TENM4: variants seen among roughly 807,000 people sequenced by gnomAD.
The protein encoded by TENM4 is teneurin-4.
A neutral mutation model predicts 243.3 loss-of-function variants in TENM4; 82 were observed. The ratio of observed to expected loss-of-function variants is 0.34; its 90% CI spans 0.28 to 0.40. The LOEUF (loss-of-function observed/expected upper bound fraction) is 0.40. TENM4 is among the 10% of genes least tolerant of loss of function. The pLI, the probability that TENM4 is intolerant of heterozygous loss-of-function variation, is 1.00. For synonymous variants in TENM4, 1,412 were observed against 1,456.3 expected (o/e 0.97, Z 0.69); for missense variants, 3,138 against 3,673.3 (o/e 0.85, Z 3.77).
rs1385664310 is a variant in TENM4, at chr11:79,200,824, T to C, written c.-163+14984A>G. Among the ~76,000 whole-genome samples, 6 of 152,202 alleles carry C rather than the reference T, an allele frequency of 3.9e-5. No individual in the cohort carries two copies. The South Asian group carries it at 6.2e-4, about 16-fold the overall frequency. ...AGTTTCTGTCCATACTAGGGGATTA[T>C]TATGCCCTGGAAAAACTTCTAGCTG... On this transcript the variant is annotated intron_variant, in intron 3 of 33. Coordinates refer to ENST00000278550, the MANE Select transcript of TENM4 (RefSeq NM_001098816.3).
rs757018454 is a variant in TENM4 at position 78,670,179 on chromosome 11, G to A, written c.6166C>T (p.Arg2056Cys). ...ATCAGGGGCCCAATCTGACGGTAGCGGATGGTGCAGGTGAAGCCCTCATTC... is the reference window on the plus strand; with the variant it reads ...ATCAGGGGCCCAATCTGACGGTAGCAGATGGTGCAGGTGAAGCCCTCATTC... Reference protein sequence around the residue: ...LQNEGFTCTIRYRQIGPLIDR... With the variant: ...LQNEGFTCTICYRQIGPLIDR... Residue 2056 changes from arginine to cysteine, a missense_variant, in exon 32 of 34, where the codon CGC becomes TGC. Arg to Cys is a radical substitution (Grantham distance 180). Transcript: ENST00000278550. 21 of 1,613,844 alleles carry A rather than the reference G, an allele frequency of 1.3e-5. No individual in the cohort carries two copies. Among genetic ancestry groups the A allele is most frequent in the Admixed American group, 5.0e-5 (3 of 60,004 alleles).
intron 6 of TENM4, among the ~76,000 whole-genome samples, chr11:78,930,742 A>G (rs1856649094): frequency 1.3e-5 from 2 of 152,228 alleles, no homozygotes; most frequent in African/African-American, 4.8e-5. Context: ...AAAAATTTTG[A>G]TTGTAACCTC....
chr11:78,704,780 G>T (rs1859202221), intron 27 of TENM4, among the ~76,000 whole-genome samples: 1 of 152,190 alleles, frequency 6.6e-6, no homozygotes, highest in African/African-American at 2.4e-5. Context: ...TTTCTACAAT[G>T]TACATGTGGT....
rs67697266 is a variant in TENM4 at position 79,423,535 on chromosome 11, A to ATTTT, written c.-321+16970_-321+16973dup. On this transcript the variant is annotated intron_variant, in intron 1 of 33. Transcript: ENST00000278550. ...GCCAGCTCTGAATGCTTACAAGTGC[A>ATTTT]TTTTTTTTTTTTTTTTTTTTTTTGC... Among the ~76,000 whole-genome samples the ATTTT allele has an allele frequency of 2.0e-4, 23 of 114,120 alleles. 1 individual carries two copies. Among genetic ancestry groups the ATTTT allele is most frequent in the East Asian group, 2.8e-4 (1 of 3,622 alleles). 74.9% of individuals were successfully genotyped at this position (114,120 alleles called of 152,430 possible). A position where few individuals can be genotyped will look rare whatever the true frequency, so the allele number is the denominator to read the frequency against.
intron 4 of TENM4, among the ~76,000 whole-genome samples, chr11:79,098,208 T>C (rs1374343554): frequency 7.1e-6 from 1 of 140,612 alleles, no homozygotes; most frequent in East Asian, 2.1e-4. Flanking sequence ...TGCGGGTCTC[T>C]TGTGTCTCCC....
chr11:78,933,769 G>A (rs1856722901), intron 6 of TENM4, among the ~76,000 whole-genome samples: 1 of 152,172 alleles, frequency 6.6e-6, no homozygotes, highest in South Asian at 2.1e-4. Context: ...CTCTGTTTCT[G>A]TAGTGTGAGG....
chr11:78,872,291 G>A lies in TENM4; in HGVS notation c.1085-9159C>T, dbSNP rs1321227041. On this transcript the variant is annotated intron_variant, in intron 9 of 33. Transcript: ENST00000278550. ...CAACAGGGCAAGCATTCTAGGAAGC[G>A]GCTCCACACAGAAGGGGTGCTTAAA... Among the ~76,000 whole-genome samples, 6 of 152,268 alleles carry A rather than the reference G, an allele frequency of 3.9e-5. No individual in the cohort carries two copies. The East Asian group carries it at 9.7e-4, about 24-fold the overall frequency.
At chr11:79,158,052 C>T (rs12788335) in intron 3 of TENM4, among the ~76,000 whole-genome samples, 26,836 of 152,138 alleles carry the variant, frequency 0.18, 2,463 homozygotes, top group Non-Finnish European at 0.2. Flanking sequence ...TCTCAGAAGT[C>T]GATCCCAGCT....
At chr11:79,397,252 A>G (rs1412623330) in intron 1 of TENM4, among the ~76,000 whole-genome samples, 1 of 152,156 alleles carries the variant, frequency 6.6e-6, no homozygotes, top group Non-Finnish European at 1.5e-5. Flanking sequence ...TTTATACATC[A>G]TTTTATTTCA....
chr11:79,277,790 G>A (rs1473880603), intron 2 of TENM4, among the ~76,000 whole-genome samples: 1 of 152,092 alleles, frequency 6.6e-6, no homozygotes, highest in African/African-American at 2.4e-5. Flanking sequence ...TTTTGGCCCT[G>A]ACTCTTGGAG....
intron 1 of TENM4, among the ~76,000 whole-genome samples, chr11:79,349,809 C>A (rs1300886883): frequency 6.6e-6 from 1 of 152,110 alleles, no homozygotes; most frequent in Admixed American, 6.6e-5. Context: ...ATATCTGAAA[C>A]CTCAATTTAT....
chr11:79,271,858 G>A (rs1855975139), intron 2 of TENM4, among the ~76,000 whole-genome samples: 2 of 152,156 alleles, frequency 1.3e-5, no homozygotes, highest in African/African-American at 4.8e-5. Flanking sequence ...TCCCACTCCA[G>A]GAAAGGAGAG....
intron 2 of TENM4, among the ~76,000 whole-genome samples, chr11:79,224,629 T>C (rs1864226434): frequency 6.6e-6 from 1 of 152,162 alleles, no homozygotes; most frequent in Non-Finnish European, 1.5e-5. Context: ...GGGCAGGCCC[T>C]AATCTAATAT....
chr11:79,186,699 C>A (rs759701435), intron 3 of TENM4, among the ~76,000 whole-genome samples: 1 of 152,148 alleles, frequency 6.6e-6, no homozygotes, highest in Non-Finnish European at 1.5e-5. Context: ...CAAAGAGAAC[C>A]TTGCCATCTT....
intron 6 of TENM4, among the ~76,000 whole-genome samples, chr11:78,933,228 G>A (rs113069544): frequency 5.3e-5 from 8 of 152,150 alleles, no homozygotes; most frequent in South Asian, 2.1e-4. Flanking sequence ...TGGTAAGGAG[G>A]GGATAATATC....
chr11:78,715,414 G>C (rs1472163751), intron 25 of TENM4, among the ~76,000 whole-genome samples: 1 of 152,134 alleles, frequency 6.6e-6, no homozygotes, highest in African/African-American at 2.4e-5. Context: ...TATGGTGAGG[G>C]GGCCCTGTCC....
chr11:79,118,512 C>T (rs146612904), intron 4 of TENM4, among the ~76,000 whole-genome samples: 21 of 152,278 alleles, frequency 1.4e-4, no homozygotes, highest in Middle Eastern at 3.4e-3. Flanking sequence ...AACTCTTCAT[C>T]TTTCAAAATT....
chr11:79,344,317 A>G (rs542810843), intron 1 of TENM4, among the ~76,000 whole-genome samples: 17 of 152,268 alleles, frequency 1.1e-4, no homozygotes, highest in East Asian at 3.9e-4. Context: ...GAGGGAAGAT[A>G]CGTCTCTTCC....
At chr11:78,708,653 C>G in intron 26 of TENM4, 138 bp from the exon 27 acceptor site, 16 of 1,030,386 alleles carry the variant, frequency 1.6e-5, no homozygotes, top group Non-Finnish European at 2.1e-5. Flanking sequence ...ATTCCTCTCT[C>G]AAAGAGGAGG....
Sources: allele counts gnomAD v4.1 joint callset (sites outside exome capture counted in the v4.1 genomes callset), GRCh38; gene constraint gnomAD v4.1.1; transcripts MANE v1.5; gene names NCBI Gene and HGNC (gene_info 2026-07-23, HGNC 2026-07-21).